Variants in PPP4R3A observed in about 807,000 individuals in gnomAD.
PPP4R3A encodes serine/threonine-protein phosphatase 4 regulatory subunit 3A.
A neutral mutation model predicts 91.7 loss-of-function variants in PPP4R3A; 15 were observed. The ratio of observed to expected loss-of-function variants is 0.16; its 90% confidence interval spans 0.11 to 0.25. The LOEUF (loss-of-function observed/expected upper bound fraction) is 0.25. Among genes scored for constraint, PPP4R3A ranks in the 10% least tolerant of loss-of-function variants. PPP4R3A has a pLI of 1.00. For synonymous variants in PPP4R3A, 377 were observed against 348.7 expected (o/e 1.08, Z -0.91); for missense variants, 623 against 998.4 (o/e 0.62, Z 5.07).
intron 2 of PPP4R3A, among the ~76,000 whole-genome samples, chr14:91,486,920 A>AAAAT (rs1555436581): frequency 0.12 from 17,167 of 147,206 alleles, 1,373 homozygotes; most frequent in Non-Finnish European, 0.18. Flanking sequence ...AAAAAAAAAA[A>AAAAT]AAAATAGAGA....
In PPP4R3A at chr14:91,476,610, C is replaced by T. The variant is rs1012864449; in HGVS notation, c.994-86G>A. The T allele has an allele frequency of 4.7e-5, 46 of 977,908 alleles. No individual in the cohort carries two copies. In the East Asian group the frequency reaches 9.3e-4, roughly 20 times the overall value. The allele number at this position is 977,908 out of a possible 1,614,324, so 60.6% of individuals were successfully genotyped here. On this transcript the variant is annotated intron_variant, in intron 5 of 14. Coordinates refer to ENST00000554943, the MANE Select transcript of PPP4R3A (RefSeq NM_001366432.2). Reference sequence around the variant, plus strand: ...GACGGAGTCTTGCTCTTGTTGCCGACGCTGGAGTGCAATGGCACGATCTTG... The same window carrying T: ...GACGGAGTCTTGCTCTTGTTGCCGATGCTGGAGTGCAATGGCACGATCTTG...
At chr14:91,492,309 C>T (rs1340253102) in intron 1 of PPP4R3A, among the ~76,000 whole-genome samples, 1 of 152,208 alleles carries the variant, frequency 6.6e-6, no homozygotes, top group Non-Finnish European at 1.5e-5. Flanking sequence ...GCTTTCATTT[C>T]TTCTATTACA....
At chr14:91,463,078 T>C (rs1888259069) in intron 11 of PPP4R3A, among the ~76,000 whole-genome samples, 2 of 152,092 alleles carry the variant, frequency 1.3e-5, no homozygotes, top group South Asian at 4.1e-4. Flanking sequence ...GGGTCTTTTT[T>C]TTTTGAGATG....
chr14:91,467,401 T>C (rs1888538524), intron 10 of PPP4R3A, among the ~76,000 whole-genome samples: 1 of 152,220 alleles, frequency 6.6e-6, no homozygotes, highest in African/African-American at 2.4e-5. Flanking sequence ...CTAACCTTCA[T>C]TAACATTTCC....
intron 4 of PPP4R3A, among the ~76,000 whole-genome samples, chr14:91,478,372 G>C (rs1889337944): frequency 6.6e-6 from 1 of 152,230 alleles, no homozygotes; most frequent in Non-Finnish European, 1.5e-5. Context: ...AATGTTAAGA[G>C]GGTGTGATAT....
intron 1 of PPP4R3A, among the ~76,000 whole-genome samples, chr14:91,495,302 A>ATGTGTGTGTGTGTGTGTGTG (rs60663799): frequency 0.12 from 17,182 of 140,706 alleles, 1,331 homozygotes; most frequent in African/African-American, 0.18. Flanking sequence ...CAGATACATA[A>ATGTGTGTGTGTGTGTGTGTG]TGTGTGTGTG....
chr14:91,492,563 C>T (rs1834939127), intron 1 of PPP4R3A, among the ~76,000 whole-genome samples: 1 of 152,204 alleles, frequency 6.6e-6, no homozygotes, highest in Non-Finnish European at 1.5e-5. Context: ...AACAGCTTTC[C>T]ACTTCACACC....
intron 4 of PPP4R3A, among the ~76,000 whole-genome samples, chr14:91,480,700 A>G (rs1315413707): frequency 6.6e-6 from 1 of 152,116 alleles, no homozygotes; most frequent in Non-Finnish European, 1.5e-5. Flanking sequence ...AAATTCATAG[A>G]GTAATAACCC....
Position 91,482,213 on chromosome 14 carries a change from T to A in PPP4R3A, c.298-20A>T. 6.4e-7 allele frequency: 1 copy of A among 1,565,090 alleles called. No individual in the cohort carries two copies. Among genetic ancestry groups the A allele is most frequent in the Middle Eastern group, 1.7e-4 (1 of 5,824 alleles). On this transcript the variant is annotated intron_variant, in intron 3 of 14. Coordinates refer to ENST00000554943, the MANE Select transcript of PPP4R3A (RefSeq NM_001366432.2). ...TTGAACCTATGAAAAAAAATTTAATTGCTGACAAAATAGATAACAGGTGAC... is the reference window on the plus strand; with the variant it reads ...TTGAACCTATGAAAAAAAATTTAATAGCTGACAAAATAGATAACAGGTGAC...
At chr14:91,473,834 C>T (rs994781500) in intron 7 of PPP4R3A, among the ~76,000 whole-genome samples, 1 of 121,868 alleles carries the variant, frequency 8.2e-6, no homozygotes, top group African/African-American at 3.1e-5. Context: ...TGCAATGGCA[C>T]GATCTCGTCT....
At chr14:91,486,454 G>C (rs1320112053) in intron 2 of PPP4R3A, among the ~76,000 whole-genome samples, 1 of 152,064 alleles carries the variant, frequency 6.6e-6, no homozygotes, top group Admixed American at 6.5e-5. Flanking sequence ...TTACAGGCAT[G>C]AGCCACAGTG....
At chr14:91,487,474 G>T (rs2140127231) in intron 2 of PPP4R3A, among the ~76,000 whole-genome samples, 1 of 152,010 alleles carries the variant, frequency 6.6e-6, no homozygotes, top group South Asian at 2.1e-4. Context: ...TTTCAAGCTG[G>T]TACAAAGAGA....
chr14:91,461,994 T>C, intron 13 of PPP4R3A, 55 bp downstream of exon 13: 1 of 1,433,876 alleles, frequency 7.0e-7, no homozygotes, highest in South Asian at 1.6e-5. Flanking sequence ...GAAATAAGAA[T>C]AAATCTAGAG....
intron 1 of PPP4R3A, among the ~76,000 whole-genome samples, chr14:91,501,733 C>G (rs960433259): frequency 1.4e-5 from 2 of 147,072 alleles, no homozygotes; most frequent in Admixed American, 6.9e-5. Flanking sequence ...GAGACGGAAT[C>G]TCGCTCTGTC....
chr14:91,502,018 G>A (rs750234655), intron 1 of PPP4R3A, among the ~76,000 whole-genome samples: 3 of 151,744 alleles, frequency 2.0e-5, no homozygotes, highest in South Asian at 2.1e-4. Context: ...CACCGCACCC[G>A]GCCAAGACTA....
chr14:91,488,571 C>T (rs1316050566), intron 2 of PPP4R3A, among the ~76,000 whole-genome samples: 2 of 152,098 alleles, frequency 1.3e-5, no homozygotes, highest in Non-Finnish European at 2.9e-5. Flanking sequence ...TATAATTCAC[C>T]AGAACAGAAC....
rs1319996896 is a variant in PPP4R3A, at chr14:91,475,686, TA to T, written c.1266+124del. On this transcript the variant is annotated intron_variant, in intron 7 of 14. Transcript: ENST00000554943. ...GACAGGAACCAATTTAGGGGAACAATAAGCTGTCTGATATTATGGCTACACT... is the reference window on the plus strand; with the variant it reads ...GACAGGAACCAATTTAGGGGAACAATAGCTGTCTGATATTATGGCTACACT... 11 of 894,884 alleles carry T rather than the reference TA, an allele frequency of 1.2e-5. No homozygotes were observed. In the Admixed American group the frequency reaches 2.9e-4, roughly 23 times the overall value. The allele number at this position is 894,884 out of a possible 1,614,324, so 55.4% of individuals were successfully genotyped here.
At chr14:91,496,150 T>C (rs546840092) in intron 1 of PPP4R3A, among the ~76,000 whole-genome samples, 1 of 152,310 alleles carries the variant, frequency 6.6e-6, no homozygotes, top group African/African-American at 2.4e-5. Flanking sequence ...CTAGCAGTTT[T>C]CTCTGGGTAG....
At chr14:91,468,002 T>C (rs1249326690) in intron 10 of PPP4R3A, among the ~76,000 whole-genome samples, 1 of 152,210 alleles carries the variant, frequency 6.6e-6, no homozygotes, top group Non-Finnish European at 1.5e-5. Flanking sequence ...TTAGATATCT[T>C]TGATAAAAAC....
Sources: allele counts gnomAD v4.1 joint callset (sites outside exome capture counted in the v4.1 genomes callset), GRCh38; gene constraint gnomAD v4.1.1; transcripts MANE v1.5; gene names NCBI Gene and HGNC (gene_info 2026-07-23, HGNC 2026-07-21).